NPAS3: variants seen among roughly 807,000 people sequenced by gnomAD.
NPAS3 encodes the protein neuronal PAS domain protein 3.
NPAS3 carries 14 observed loss-of-function variants against 73.1 expected under a neutral mutation model. The ratio of observed to expected loss-of-function variants is 0.19; its 90% CI spans 0.13 to 0.30. NPAS3 has a LOEUF of 0.30. Among genes scored for constraint, NPAS3 ranks in the 10% least tolerant of loss-of-function variants. NPAS3 has a pLI of 1.00. For missense variants in NPAS3, 1,096 were observed against 1,250.0 expected (o/e 0.88, Z 1.86); for synonymous variants, 620 against 541.5 (o/e 1.14, Z -2.01).
chr14:33,176,181 A>T (rs1055116940), intron 2 of NPAS3, among the ~76,000 whole-genome samples: 1 of 152,224 alleles, frequency 6.6e-6, no homozygotes, highest in Non-Finnish European at 1.5e-5. Context: ...CAAAAAAACT[A>T]GCTATATAAG....
At chr14:33,034,597 A>G (rs1283940203) in intron 1 of NPAS3, among the ~76,000 whole-genome samples, 7 of 152,014 alleles carry the variant, frequency 4.6e-5, no homozygotes, top group African/African-American at 1.7e-4. Flanking sequence ...TATAGTCTAC[A>G]TAATAGAAAA....
In NPAS3 at chr14:33,261,441, C is replaced by T. The variant is rs986786438; in HGVS notation, c.385+46015C>T. Among the ~76,000 whole-genome samples, 3 of 152,068 alleles carry T rather than the reference C, an allele frequency of 2.0e-5. No homozygotes were observed. In the South Asian group the frequency reaches 6.2e-4, roughly 32 times the overall value. On this transcript the variant is annotated intron_variant, in intron 3 of 11. Transcript: ENST00000356141. ...CTAGACACTTAGAACAACTCCAATA[C>T]TTTATGGCAATGAACATCCATTGTA... is the stretch of plus-strand genomic sequence containing the variant.
intron 4 of NPAS3, among the ~76,000 whole-genome samples, chr14:33,555,892 GTGTC>G (rs771025685): frequency 1.1e-4 from 16 of 147,734 alleles, no homozygotes; most frequent in Non-Finnish European, 2.4e-4. Flanking sequence ...TGTTGTTGGT[GTGTC>G]TGTGTGTGTG....
intron 4 of NPAS3, among the ~76,000 whole-genome samples, chr14:33,504,603 G>A (rs2052671293): frequency 6.6e-6 from 1 of 151,982 alleles, no homozygotes; most frequent in Non-Finnish European, 1.5e-5. Flanking sequence ...TTAAGTAGAA[G>A]ATTTTATGAA....
chr14:32,994,278 C>G (rs889411435), intron 1 of NPAS3, among the ~76,000 whole-genome samples: 13 of 152,156 alleles, frequency 8.5e-5, no homozygotes, highest in Middle Eastern at 3.2e-3. Flanking sequence ...TTCTATGGTA[C>G]TTCACTGTTC....
At chr14:33,483,997 G>T (rs1039155230) in intron 4 of NPAS3, among the ~76,000 whole-genome samples, 1 of 152,136 alleles carries the variant, frequency 6.6e-6, no homozygotes, top group African/African-American at 2.4e-5. Context: ...TATTTATTAA[G>T]CACCTACTGT....
At chr14:32,996,439 G>C (rs1270121816) in intron 1 of NPAS3, among the ~76,000 whole-genome samples, 2 of 152,278 alleles carry the variant, frequency 1.3e-5, no homozygotes, top group African/African-American at 2.4e-5. Flanking sequence ...TGTATCTAGG[G>C]CATGTCAGAA....
chr14:33,222,155 C>T (rs1292082333), intron 3 of NPAS3, among the ~76,000 whole-genome samples: 1 of 152,080 alleles, frequency 6.6e-6, no homozygotes, highest in African/African-American at 2.4e-5. Flanking sequence ...GCATTTCTTC[C>T]TCTGGGCATA....
At chr14:33,686,182 G>C (rs765980565) in intron 6 of NPAS3, among the ~76,000 whole-genome samples, 4 of 152,150 alleles carry the variant, frequency 2.6e-5, no homozygotes, top group Non-Finnish European at 4.4e-5. Flanking sequence ...AAAGGTAGAG[G>C]TGATCTCCCA....
Position 33,800,968 on chromosome 14 carries a change from C to T in NPAS3, c.2661C>T (p.Gly887=), listed in dbSNP as rs772627206. ...TCAACATGTCAGGACCGTTCGGCGG[C>T]GCAGTGAGCGCAGCTAGCCTGACGC... is the stretch of plus-strand genomic sequence containing the variant. The change falls in exon 12 of 12, where the codon GGC becomes GGT. Residue 887 remains glycine, a synonymous_variant. Coordinates refer to ENST00000356141, the Ensembl canonical transcript of NPAS3. This position sits in a 1 kb window ranked among gnomAD's most constrained non-coding sequence, Gnocchi z 6.5. 6.3e-6 allele frequency: 10 copies of T among 1,594,508 alleles called. No homozygotes were observed. Among genetic ancestry groups the T allele is most frequent in the South Asian group, 5.7e-5 (5 of 88,056 alleles).
intron 6 of NPAS3, among the ~76,000 whole-genome samples, chr14:33,687,910 T>C (rs1301548926): frequency 6.6e-6 from 1 of 152,210 alleles, no homozygotes; most frequent in Non-Finnish European, 1.5e-5. Flanking sequence ...TGCAGAAAGA[T>C]TCAGTTAATG....
Position 33,178,070 on chromosome 14 carries a change from A to ATTTTT in NPAS3, c.141-37108_141-37104dup, listed in dbSNP as rs780708461. 3.8e-4 allele frequency among the ~76,000 whole-genome samples: 47 copies of ATTTTT among 123,866 alleles called. 6 individuals are homozygous for ATTTTT. The highest frequency in any genetic ancestry group is 8.2e-4 in the Admixed American group (9 of 11,024). The allele number at this position is 123,866 out of a possible 152,430, so 81.3% of individuals were successfully genotyped here. On this transcript the variant is annotated intron_variant, in intron 2 of 11. Transcript: ENST00000356141. The stretch of plus-strand genomic sequence containing the variant: ...GGAATTTTGATAGGCATTGAAGTGA[A>ATTTTT]TTTTTTTTGTTTTTTTTTTTTTGGA...
chr14:33,045,847 GAGA>G (rs2040489493), intron 1 of NPAS3, among the ~76,000 whole-genome samples: 1 of 152,136 alleles, frequency 6.6e-6, no homozygotes, highest in South Asian at 2.1e-4. Flanking sequence ...TAAATTAAAC[GAGA>G]AGGAAACCAG....
intron 11 of NPAS3, among the ~76,000 whole-genome samples, chr14:33,799,118 C>T (rs1041669785): frequency 5.3e-5 from 8 of 152,004 alleles, no homozygotes; most frequent in African/African-American, 1.9e-4. Context: ...GCACTCCAGC[C>T]TGAGGGACAG....
At chr14:33,437,892 C>T (rs2049058808) in intron 4 of NPAS3, among the ~76,000 whole-genome samples, 1 of 152,166 alleles carries the variant, frequency 6.6e-6, no homozygotes, top group Non-Finnish European at 1.5e-5. Flanking sequence ...TTCATACATT[C>T]CAAGGTAGCC....
At chr14:33,683,480 A>C (rs951213970) in intron 6 of NPAS3, among the ~76,000 whole-genome samples, 12 of 151,646 alleles carry the variant, frequency 7.9e-5, no homozygotes, top group African/African-American at 2.9e-4. Flanking sequence ...TGGATAATTA[A>C]AAATTATAAA....
At chr14:33,584,415 G>GAAAA in intron 5 of NPAS3, among the ~76,000 whole-genome samples, 3 of 72,294 alleles carry the variant, frequency 4.1e-5, no homozygotes, top group African/African-American at 6.9e-5. Flanking sequence ...AAAAAAAAGG[G>GAAAA]GGATCAATAG....
intron 5 of NPAS3, among the ~76,000 whole-genome samples, chr14:33,636,448 G>A (rs559139198): frequency 1.3e-5 from 2 of 152,270 alleles, no homozygotes; most frequent in East Asian, 3.9e-4. Flanking sequence ...GTTTCTTAGT[G>A]TATGGGCTTT....
chr14:32,999,441 G>A (rs1156375636), intron 1 of NPAS3, among the ~76,000 whole-genome samples: 1 of 151,980 alleles, frequency 6.6e-6, no homozygotes, highest in Non-Finnish European at 1.5e-5. Flanking sequence ...AACCCGGGAG[G>A]CAGAGCTTGC....
Sources: allele counts gnomAD v4.1 joint callset (sites outside exome capture counted in the v4.1 genomes callset), GRCh38; gene constraint gnomAD v4.1.1; non-coding constraint Gnocchi (gnomAD v3.1); transcripts MANE v1.5; gene names NCBI Gene and HGNC (gene_info 2026-07-23, HGNC 2026-07-21).